SEMA6D: variants seen among roughly 807,000 people sequenced by gnomAD.
The protein encoded by SEMA6D is semaphorin-6D.
SEMA6D carries 35 observed loss-of-function variants against 106.6 expected under a neutral mutation model. The ratio of observed to expected loss-of-function variants is 0.33; its 90% confidence interval spans 0.25 to 0.44. SEMA6D has a LOEUF of 0.44. Among genes scored for constraint, SEMA6D ranks in the 20% least tolerant of loss-of-function variants. SEMA6D has a pLI of 1.00. For synonymous variants in SEMA6D, 499 were observed against 487.7 expected (o/e 1.02, Z -0.31); for missense variants, 1,185 against 1,345.9 (o/e 0.88, Z 1.87).
At chr15:47,425,079 C>G (rs1008646203) in intron 2 of SEMA6D, among the ~76,000 whole-genome samples, 2 of 152,030 alleles carry the variant, frequency 1.3e-5, no homozygotes, top group African/African-American at 4.8e-5. Context: ...TCTTATTATG[C>G]AGATAAAGTT....
At chr15:47,580,739 G>A (rs924659380) in intron 3 of SEMA6D, among the ~76,000 whole-genome samples, 11 of 152,218 alleles carry the variant, frequency 7.2e-5, no homozygotes, top group African/African-American at 2.7e-4. Context: ...ATCTTATGGA[G>A]ATTAAATTCA....
intron 1 of SEMA6D, among the ~76,000 whole-genome samples, chr15:47,402,104 A>G (rs1334624729): frequency 1.3e-5 from 2 of 152,206 alleles, no homozygotes; most frequent in East Asian, 1.9e-4. Context: ...TCTGTACTGC[A>G]TGGTAGCCAC....
intron 2 of SEMA6D, among the ~76,000 whole-genome samples, chr15:47,454,445 G>A (rs1373532825): frequency 6.6e-6 from 1 of 151,842 alleles, no homozygotes; most frequent in Non-Finnish European, 1.5e-5. Flanking sequence ...TAGATAGATC[G>A]CTGCCCATGA....
At chr15:47,348,722 A>ACACACACACACACAC (rs1567016690) in intron 1 of SEMA6D, among the ~76,000 whole-genome samples, 4 of 36,980 alleles carry the variant, frequency 1.1e-4, no homozygotes, top group African/African-American at 3.1e-4. Flanking sequence ...CACACACCAC[A>ACACACACACACACAC]CACACAGAGA....
chr15:47,495,240 A>G (rs1198763038), intron 3 of SEMA6D, among the ~76,000 whole-genome samples: 2 of 151,968 alleles, frequency 1.3e-5, no homozygotes, highest in African/African-American at 4.8e-5. Flanking sequence ...GAAGGAATGT[A>G]GCTTTCCTTT....
chr15:47,399,225 G>A (rs1355701228), intron 1 of SEMA6D: 2 of 152,152 alleles, frequency 1.3e-5, no homozygotes, highest in African/African-American at 4.8e-5. Context: ...TAAGTGATTT[G>A]CTCAAGGTCA....
At chr15:47,670,598 T>G (rs1265562780) in intron 4 of SEMA6D, among the ~76,000 whole-genome samples, 2 of 152,230 alleles carry the variant, frequency 1.3e-5, no homozygotes, top group Non-Finnish European at 2.9e-5. Context: ...GTTCCTGTGA[T>G]GAGCACAAGA....
At chr15:47,766,206 C>G in intron 15 of SEMA6D, 24 bp downstream of exon 15, 2 of 1,582,076 alleles carry the variant, frequency 1.3e-6, no homozygotes, top group East Asian at 2.2e-5. Flanking sequence ...GTCACATGAG[C>G]TAGGATGAAC....
chr15:47,199,593 A>G (rs893820550), intron 1 of SEMA6D, among the ~76,000 whole-genome samples: 2 of 152,168 alleles, frequency 1.3e-5, no homozygotes. Flanking sequence ...CAAAAAAATG[A>G]TGTAGTCCCA....
intron 3 of SEMA6D, among the ~76,000 whole-genome samples, chr15:47,505,801 G>T (rs1797222): frequency 0.035 from 5,358 of 152,208 alleles, 261 homozygotes; most frequent in African/African-American, 0.11. Context: ...TGGATCATCC[G>T]TTATCATATT....
intron 4 of SEMA6D, among the ~76,000 whole-genome samples, chr15:47,649,257 C>T (rs940574728): frequency 3.3e-5 from 5 of 152,102 alleles, no homozygotes; most frequent in Admixed American, 6.6e-5. Flanking sequence ...GGAAGAGACG[C>T]ATCTCAGATA....
At chr15:47,611,702 T>C (rs182506848) in intron 4 of SEMA6D, among the ~76,000 whole-genome samples, 5 of 152,328 alleles carry the variant, frequency 3.3e-5, no homozygotes, top group African/African-American at 1.2e-4. Context: ...AAAGGATTAG[T>C]GCAAATGTCA....
chr15:47,210,704 G>C (rs1290945547), intron 1 of SEMA6D, among the ~76,000 whole-genome samples: 1 of 144,394 alleles, frequency 6.9e-6, no homozygotes, highest in Non-Finnish European at 1.5e-5. Flanking sequence ...GGTGGATGTT[G>C]CAGTGAGCCG....
chr15:47,428,125 A>G (rs934569453), intron 2 of SEMA6D, among the ~76,000 whole-genome samples: 5 of 152,172 alleles, frequency 3.3e-5, no homozygotes, highest in Non-Finnish European at 5.9e-5. Flanking sequence ...ATTAATAACA[A>G]CAATATATAG....
chr15:47,576,753 G>A (rs572754536), intron 3 of SEMA6D, among the ~76,000 whole-genome samples: 2 of 152,300 alleles, frequency 1.3e-5, no homozygotes, highest in African/African-American at 4.8e-5. Context: ...TCTCTGGCTT[G>A]GTAAACTAAT....
intron 1 of SEMA6D, among the ~76,000 whole-genome samples, chr15:47,367,519 G>T (rs1235607295): frequency 6.6e-6 from 1 of 151,868 alleles, no homozygotes; most frequent in Non-Finnish European, 1.5e-5. Flanking sequence ...TTTAATTTCT[G>T]GTTTCTGTTC....
chr15:47,443,523 G>C (rs1043456590), intron 2 of SEMA6D, among the ~76,000 whole-genome samples: 2 of 152,086 alleles, frequency 1.3e-5, no homozygotes, highest in African/African-American at 4.8e-5. Flanking sequence ...TGATGTCCCA[G>C]CTCCACTCAC....
At chr15:47,272,310 A>C (rs991282799) in intron 1 of SEMA6D, among the ~76,000 whole-genome samples, 1 of 152,168 alleles carries the variant, frequency 6.6e-6, no homozygotes, top group Non-Finnish European at 1.5e-5. Flanking sequence ...AGTCAATTAA[A>C]TCTCTACTCA....
At chr15:47,405,215 A>G (rs2040522333) in intron 1 of SEMA6D, among the ~76,000 whole-genome samples, 1 of 152,158 alleles carries the variant, frequency 6.6e-6, no homozygotes, top group South Asian at 2.1e-4. Flanking sequence ...GGAGTGTGTT[A>G]GTAGCAGGGA....
Sources: gnomAD v4.1 joint callset for allele counts (sites outside exome capture counted in the v4.1 genomes callset) on GRCh38, gnomAD v4.1.1 for gene constraint, MANE v1.5 for transcripts, NCBI Gene and HGNC (gene_info 2026-07-23, HGNC 2026-07-21) for gene names.